Variants in NOVA1 observed in about 807,000 individuals in gnomAD.
The protein encoded by NOVA1 is NOVA alternative splicing regulator 1.
In NOVA1, 7 loss-of-function variants were observed where a neutral mutation model predicts 38.0. That is an observed-to-expected ratio of 0.18 (90% confidence interval 0.10 to 0.35). The LOEUF (loss-of-function observed/expected upper bound fraction) is 0.35, where lower values mean the gene tolerates loss of function less well. NOVA1 is among the 10% of genes least tolerant of loss of function. The pLI is 1.00. For missense variants in NOVA1, 460 were observed against 616.0 expected, an observed-to-expected ratio of 0.75 and a Z score of 2.68; for synonymous variants, 270 against 232.5, an observed-to-expected ratio of 1.16 and a Z score of -1.47.
intron 3 of NOVA1, among the ~76,000 whole-genome samples, chr14:26,477,135 T>TTAG (rs1298731630): frequency 6.6e-6 from 1 of 151,846 alleles, no homozygotes; most frequent in Non-Finnish European, 1.5e-5. Context: ...GGGCTACAGT[T>TTAG]TAGTATATTT....
intron 2 of NOVA1, among the ~76,000 whole-genome samples, chr14:26,514,862 A>C (rs1324353646): frequency 6.6e-6 from 1 of 151,960 alleles, no homozygotes; most frequent in Non-Finnish European, 1.5e-5. Context: ...TCAATTTGCT[A>C]TTATATTTGT....
At chr14:26,512,908 T>C (rs1188163553) in intron 2 of NOVA1, among the ~76,000 whole-genome samples, 1 of 152,032 alleles carries the variant, frequency 6.6e-6, no homozygotes, top group Non-Finnish European at 1.5e-5. Flanking sequence ...AAGGATCTAT[T>C]GTTTCTCCTT....
intron 2 of NOVA1, among the ~76,000 whole-genome samples, chr14:26,548,740 A>C (rs1320749455): frequency 6.6e-6 from 1 of 152,140 alleles, no homozygotes; most frequent in Non-Finnish European, 1.5e-5. Flanking sequence ...GAGAGACTAA[A>C]ACTACAGTAA....
chr14:26,481,988 T>TTAAAAAA (rs922159329), intron 2 of NOVA1, among the ~76,000 whole-genome samples: 51 of 105,952 alleles, frequency 4.8e-4, no homozygotes, highest in Non-Finnish European at 7.4e-4. Context: ...TAGATAGAGA[T>TTAAAAAA]AAAAAAAAAA....
intron 2 of NOVA1, among the ~76,000 whole-genome samples, chr14:26,487,219 G>T (rs535918728): frequency 6.6e-6 from 1 of 152,100 alleles, no homozygotes; most frequent in Non-Finnish European, 1.5e-5. Flanking sequence ...CCAATTTCAA[G>T]AAATGAAGCA....
At chr14:26,574,188 G>C (rs1366080686) in intron 2 of NOVA1, among the ~76,000 whole-genome samples, 2 of 149,932 alleles carry the variant, frequency 1.3e-5, no homozygotes, top group Admixed American at 1.3e-4. Flanking sequence ...ACCACGCCTG[G>C]CTAATTTTTG....
At chr14:26,525,458 C>A (rs969446388) in intron 2 of NOVA1, among the ~76,000 whole-genome samples, 10 of 152,266 alleles carry the variant, frequency 6.6e-5, no homozygotes, top group Non-Finnish European at 1.5e-4. Flanking sequence ...GAACCTGTGA[C>A]AGTCTTAGTA....
intron 3 of NOVA1, among the ~76,000 whole-genome samples, chr14:26,475,948 T>C (rs1167253434): frequency 6.6e-6 from 1 of 152,116 alleles, no homozygotes; most frequent in Non-Finnish European, 1.5e-5. Flanking sequence ...CTCTGGTATT[T>C]ATAGGCAAAG....
chr14:26,454,385 T>C (rs1277058339), intron 4 of NOVA1, among the ~76,000 whole-genome samples: 2 of 152,216 alleles, frequency 1.3e-5, no homozygotes. Flanking sequence ...GGGAAACTTG[T>C]CGATAAAGAG....
chr14:26,462,770 T>C (rs918611543), intron 4 of NOVA1, among the ~76,000 whole-genome samples: 1 of 152,194 alleles, frequency 6.6e-6, no homozygotes, highest in African/African-American at 2.4e-5. Flanking sequence ...AGACGCCAAG[T>C]AGCTTTAAAG....
Position 26,597,757 on chromosome 14 carries a change from G to C in NOVA1, c.-321C>G. 1 of 952,570 alleles carries C rather than the reference G, an allele frequency of 1.0e-6. No individual in the cohort carries two copies. The highest frequency in any genetic ancestry group is 1.3e-6 in the Non-Finnish European group (1 of 787,238). The allele number at this position is 952,570 out of a possible 1,614,324, so 59.0% of individuals were successfully genotyped here. A position where few individuals can be genotyped will look rare whatever the true frequency, so the allele number is the denominator to read the frequency against. On this transcript the variant is annotated 5_prime_UTR_variant, in exon 1 of 5. Transcript: ENST00000539517. ...GGGAGAGAGTGGAGAAGGGAGAGGG[G>C]CGAGTGAATGAGCGGGAGGAGGGGA...
At chr14:26,465,775 T>C (rs1884065215) in intron 4 of NOVA1, among the ~76,000 whole-genome samples, 1 of 152,200 alleles carries the variant, frequency 6.6e-6, no homozygotes, top group South Asian at 2.1e-4. Context: ...AAATATTTAC[T>C]GAGGACCTAT....
intron 2 of NOVA1, among the ~76,000 whole-genome samples, chr14:26,581,225 A>G (rs548911024): frequency 8.5e-5 from 13 of 152,218 alleles, no homozygotes; most frequent in Non-Finnish European, 1.9e-4. Context: ...GGCGTTAAGA[A>G]GTACTGAACT....
At chr14:26,450,994 T>C (rs178229) in intron 4 of NOVA1, among the ~76,000 whole-genome samples, 145,535 of 152,196 alleles carry the variant, frequency 0.96, 69,915 homozygotes, top group East Asian at 1. Context: ...AGAGCTAGTC[T>C]TATGTTATTT....
chr14:26,522,414 T>G (rs1005378893), intron 2 of NOVA1, among the ~76,000 whole-genome samples: 1 of 152,162 alleles, frequency 6.6e-6, no homozygotes, highest in Admixed American at 6.5e-5. Context: ...AAGTGTAACC[T>G]GTGATTCAAA....
chr14:26,516,389 C>T lies in NOVA1; in HGVS notation c.281-36246G>A, dbSNP rs114408023. ...GTGGCCCAATTTATTGTTTTTTTTC[C>T]CCTTTATGGTTAGAGCTTTTATGTA... On this transcript the variant is annotated intron_variant, in intron 2 of 4. Coordinates refer to ENST00000539517, the MANE Select transcript of NOVA1 (RefSeq NM_002515.3). 4.3e-3 allele frequency among the ~76,000 whole-genome samples: 654 copies of T among 151,990 alleles called. 3 individuals are homozygous for T. Among genetic ancestry groups the T allele is most frequent in the African/African-American group, 0.014 (599 of 41,484 alleles).
chr14:26,597,205 GGGAGGGAGGGAA>G (rs1178138141), intron 1 of NOVA1, 84 bp downstream of exon 1: 21 of 1,129,366 alleles, frequency 1.9e-5, no homozygotes, highest in East Asian at 3.2e-5. Flanking sequence ...GGCCGCGGGA[GGGAGGGAGGGAA>G]GGAGGGAGGG....
chr14:26,460,052 C>T (rs1173889445), intron 4 of NOVA1, among the ~76,000 whole-genome samples: 5 of 151,886 alleles, frequency 3.3e-5, no homozygotes, highest in African/African-American at 1.2e-4. Context: ...ATTTCACCAA[C>T]AGTTTTCCTA....
At chr14:26,582,714 C>T (rs1473466919) in intron 2 of NOVA1, among the ~76,000 whole-genome samples, 1 of 151,686 alleles carries the variant, frequency 6.6e-6, no homozygotes, top group Non-Finnish European at 1.5e-5. Context: ...GATAATAAGT[C>T]AATCAGCCAG....
Sources: gnomAD v4.1 joint callset for allele counts (sites outside exome capture counted in the v4.1 genomes callset) on GRCh38, gnomAD v4.1.1 for gene constraint, MANE v1.5 for transcripts, NCBI Gene and HGNC (gene_info 2026-07-23, HGNC 2026-07-21) for gene names.